CLNK: variants seen among roughly 807,000 people sequenced by gnomAD.
CLNK encodes the protein cytokine dependent hematopoietic cell linker, also known as cytokine-dependent hematopoietic cell linker.
Under a neutral mutation model 68.6 loss-of-function variants are expected in CLNK, and 74 were observed. The ratio of observed to expected loss-of-function variants is 1.08; its 90% CI spans 0.89 to 1.31. The LOEUF (loss-of-function observed/expected upper bound fraction) is 1.31. Among genes scored for constraint, CLNK ranks in the 50% most tolerant of loss-of-function variants. CLNK has a pLI of 0.00. For missense variants in CLNK, 553 were observed against 515.3 expected (o/e 1.07, Z -0.71); for synonymous variants, 198 against 172.2 (o/e 1.15, Z -1.17).
chr4:10,709,483 A>G, the CLNK span, among the ~76,000 whole-genome samples: 2 of 152,176 alleles, frequency 1.3e-5, no homozygotes, highest in Admixed American at 1.3e-4. Flanking sequence ...AGTCTTTCTG[A>G]TTCTAAACTC....
the CLNK span, among the ~76,000 whole-genome samples, chr4:10,728,579 CCTTTCTTTCTTT>C: frequency 1.1e-4 from 11 of 104,154 alleles, no homozygotes; most frequent in African/African-American, 3.5e-4. Flanking sequence ...TGTGATGTAT[CCTTTCTTTCTTT>C]CTTTCTTTCT....
rs75658041 is a variant in CLNK, at chr4:10,670,619, G to A, written c.-42-2708C>T. Among the ~76,000 whole-genome samples the A allele has an allele frequency of 2.2e-3, 330 of 152,320 alleles. 1 individual carries two copies. Among genetic ancestry groups the A allele is most frequent in the African/African-American group, 7.7e-3 (318 of 41,568 alleles). On this transcript the variant is annotated intron_variant, in intron 1 of 18. Transcript: ENST00000226951. ...CTGTGCAGCTTTGAGTAAGGCATTG[G>A]AGCTTTCTGGGCTTTCGTTTCTTCA...
At position 10,601,365 on chromosome 4, in the gene CLNK, C is replaced by G. The variant is rs374646378; in HGVS notation, c.12-3316G>C. ...TTCTTTCTACAGTGGATTATTGAAG[C>G]AAAATATTAACAAGGCTGGAAAATA... On this transcript the variant is annotated intron_variant, in intron 2 of 18. Transcript: ENST00000226951. 5.2e-4 allele frequency among the ~76,000 whole-genome samples: 79 copies of G among 152,180 alleles called. No homozygotes were observed. In the East Asian group the frequency reaches 0.012, roughly 24 times the overall value.
chr4:10,558,562 G>C, intron 7 of CLNK, 110 bp from the exon 8 acceptor site: 1 of 966,644 alleles, frequency 1.0e-6, no homozygotes, highest in East Asian at 2.4e-5. Context: ...GTAAGTCCCT[G>C]GGCTCTCTGG....
At chr4:10,649,653 C>T (rs953756967) in intron 2 of CLNK, among the ~76,000 whole-genome samples, 1 of 152,100 alleles carries the variant, frequency 6.6e-6, no homozygotes, top group Non-Finnish European at 1.5e-5. Context: ...AACATTGATA[C>T]TTAAGGGACA....
chr4:10,586,336 C>CTTTTTT (rs5856064), intron 3 of CLNK, among the ~76,000 whole-genome samples: 1 of 89,268 alleles, frequency 1.1e-5, no homozygotes, highest in Non-Finnish European at 2.3e-5. Context: ...CTTTTTTTTT[C>CTTTTTT]TTTTTTTTTT....
intron 2 of CLNK, among the ~76,000 whole-genome samples, chr4:10,667,415 C>CA (rs35362583): frequency 0.25 from 32,088 of 129,260 alleles, 4,395 homozygotes; most frequent in Non-Finnish European, 0.34. Flanking sequence ...TCAGGGATGG[C>CA]ATTTTTTTTT....
intron 2 of CLNK, among the ~76,000 whole-genome samples, chr4:10,637,881 C>T (rs938835120): frequency 5.3e-5 from 8 of 152,040 alleles, no homozygotes; most frequent in Admixed American, 1.3e-4. Flanking sequence ...GGATTACAGG[C>T]GTGAGCCATC....
At chr4:10,714,626 T>C in the CLNK span, among the ~76,000 whole-genome samples, 1 of 152,264 alleles carries the variant, frequency 6.6e-6, no homozygotes, top group East Asian at 1.9e-4. Context: ...GGTATATATA[T>C]TCTGTGGTCC....
chr4:10,532,159 A>C, intron 12 of CLNK, 97 bp downstream of exon 12: 1 of 868,782 alleles, frequency 1.2e-6, no homozygotes, highest in East Asian at 2.5e-5. Context: ...GTGAGAACTA[A>C]GTGTAAGTAT....
the CLNK span, among the ~76,000 whole-genome samples, chr4:10,725,649 C>A: frequency 1.3e-5 from 2 of 152,012 alleles, no homozygotes; most frequent in Non-Finnish European, 2.9e-5. Flanking sequence ...GTCAGGAGAT[C>A]GAGACCATCC....
At chr4:10,503,755 A>C (rs1195337244) in intron 17 of CLNK, among the ~76,000 whole-genome samples, 1 of 140,710 alleles carries the variant, frequency 7.1e-6, no homozygotes, top group Non-Finnish European at 1.6e-5. Context: ...CTTTACACAC[A>C]TTGTTTCATT....
At chr4:10,696,044 T>C in the CLNK span, among the ~76,000 whole-genome samples, 1 of 152,068 alleles carries the variant, frequency 6.6e-6, no homozygotes, top group Admixed American at 6.6e-5. Flanking sequence ...TTAGTAGAGA[T>C]GGGGTTTCAC....
chr4:10,665,461 C>T (rs184212813), intron 2 of CLNK, among the ~76,000 whole-genome samples: 31 of 152,062 alleles, frequency 2.0e-4, no homozygotes, highest in African/African-American at 6.3e-4. Context: ...GTCAGGAGAC[C>T]GAGACCATCC....
intron 3 of CLNK, among the ~76,000 whole-genome samples, chr4:10,586,157 T>TGCG (rs10690945): frequency 0.22 from 33,385 of 151,932 alleles, 3,860 homozygotes; most frequent in African/African-American, 0.28. Flanking sequence ...CCTCCTGCTG[T>TGCG]GCCCAGTTCC....
In CLNK at chr4:10,489,251, A is replaced by G. The variant is rs779616347; in HGVS notation, c.*1216T>C. 1 of 152,236 alleles carries G rather than the reference A, an allele frequency of 6.6e-6. No individual in the cohort carries two copies. Among genetic ancestry groups the G allele is most frequent in the Admixed American group, 6.5e-5 (1 of 15,280 alleles). 9.4% of individuals were successfully genotyped at this position (152,236 alleles called of 1,614,324 possible). A position where few individuals can be genotyped will look rare whatever the true frequency, so the allele number is the denominator to read the frequency against. ...TTCCTCATCTTTATTGTAAAACAAT[A>G]ATAAAATTAAATCCTCTTAACCTCT... On this transcript the variant is annotated 3_prime_UTR_variant, in exon 19 of 19. Coordinates refer to ENST00000226951, the MANE Select transcript of CLNK (RefSeq NM_052964.4).
At chr4:10,532,156 C>G in intron 12 of CLNK, 100 bp downstream of exon 12, 1 of 859,150 alleles carries the variant, frequency 1.2e-6, no homozygotes, top group Non-Finnish European at 2.0e-6. Flanking sequence ...ATTGTGAGAA[C>G]TAAGTGTAAG....
chr4:10,570,753 T>C lies in CLNK; in HGVS notation c.150+988A>G, dbSNP rs187571950. On this transcript the variant is annotated intron_variant, in intron 5 of 18. Transcript: ENST00000226951. ...GCAAGTGAAAACTATTTAAATTATATACCTATACATTTGCTTGTAATAAAA... is the reference window on the plus strand; with the variant it reads ...GCAAGTGAAAACTATTTAAATTATACACCTATACATTTGCTTGTAATAAAA... Among the ~76,000 whole-genome samples the C allele has an allele frequency of 5.3e-5, 8 of 152,296 alleles. No individual in the cohort carries two copies. In the East Asian group the frequency reaches 1.5e-3, roughly 29 times the overall value.
At chr4:10,505,793 C>T (rs968618004) in intron 17 of CLNK, among the ~76,000 whole-genome samples, 3 of 152,202 alleles carry the variant, frequency 2.0e-5, no homozygotes, top group Non-Finnish European at 4.4e-5. Flanking sequence ...CTTACCTTCA[C>T]ATCTGCAAAG....
Sources: gnomAD v4.1 joint callset for allele counts (sites outside exome capture counted in the v4.1 genomes callset) on GRCh38, gnomAD v4.1.1 for gene constraint, MANE v1.5 for transcripts, NCBI Gene and HGNC (gene_info 2026-07-23, HGNC 2026-07-21) for gene names.